The following MELK variants were observed in gnomAD, a reference collection of about 807,000 sequenced individuals.
MELK encodes maternal embryonic leucine zipper kinase.
MELK carries 81 observed loss-of-function variants against 85.0 expected under a neutral mutation model. That is an observed-to-expected ratio of 0.95 (90% CI 0.80 to 1.15). The LOEUF is 1.15. Among genes scored for constraint, MELK ranks in the 50% most tolerant of loss-of-function variants. MELK has a pLI of 0.00. For missense variants in MELK, 754 were observed against 777.5 expected, an observed-to-expected ratio of 0.97 and a Z score of 0.36; for synonymous variants, 252 against 265.0, an observed-to-expected ratio of 0.95 and a Z score of 0.48.
At chr9:36,621,090 G>A (rs1827360873) in intron 8 of MELK, among the ~76,000 whole-genome samples, 1 of 151,160 alleles carries the variant, frequency 6.6e-6, no homozygotes, top group African/African-American at 2.4e-5. Flanking sequence ...CCAACACGGT[G>A]AAACCCCATC....
At chr9:36,609,939 C>A (rs530218579) in intron 8 of MELK, among the ~76,000 whole-genome samples, 19 of 152,168 alleles carry the variant, frequency 1.2e-4, no homozygotes, top group Non-Finnish European at 2.4e-4. Flanking sequence ...CATATTATAA[C>A]AGAGTGTAAA....
chr9:36,630,040 T>G (rs1240242711), intron 8 of MELK: 2 of 332,998 alleles, frequency 6.0e-6, no homozygotes, highest in East Asian at 1.1e-4. Flanking sequence ...AGACAGTGTT[T>G]CACCACGTTG....
At chr9:36,584,584 C>T (rs1027053194) in intron 3 of MELK, among the ~76,000 whole-genome samples, 2 of 150,408 alleles carry the variant, frequency 1.3e-5, no homozygotes, top group African/African-American at 4.9e-5. Context: ...CCGCGTGCCT[C>T]GACCTCCCAA....
intron 8 of MELK, among the ~76,000 whole-genome samples, chr9:36,623,261 T>G (rs188667780): frequency 2.6e-5 from 4 of 152,314 alleles, no homozygotes; most frequent in African/African-American, 9.6e-5. Flanking sequence ...AACAAGTACT[T>G]AATCTCCCTG....
chr9:36,633,091 A>G lies in MELK; in HGVS notation c.736-11A>G. The G allele has an allele frequency of 6.3e-7, 1 of 1,580,684 alleles. No individual in the cohort carries two copies. The highest frequency in any genetic ancestry group is 1.4e-5 in the African/African-American group (1 of 73,746). ...AATGTTAATCTCTAGCTACTTTTTA[A>G]TGGCCACTAGGTGGACCCAAAGAAA... On this transcript the variant is annotated splice_polypyrimidine_tract_variant and intron_variant, in intron 9 of 17. Transcript: ENST00000298048.
At chr9:36,663,185 A>G (rs975523124) in intron 13 of MELK, among the ~76,000 whole-genome samples, 4 of 150,780 alleles carry the variant, frequency 2.7e-5, no homozygotes, top group Non-Finnish European at 5.9e-5. Context: ...GGTTCAAGCG[A>G]TTTTCCTACC....
chr9:36,579,898 G>T (rs1052903596), intron 1 of MELK, among the ~76,000 whole-genome samples: 1 of 151,984 alleles, frequency 6.6e-6, no homozygotes, highest in Non-Finnish European at 1.5e-5. Context: ...ATTATTTGAT[G>T]TATAATTAAC....
At chr9:36,665,629 A>C in intron 14 of MELK, 48 bp downstream of exon 14, 1 of 1,432,066 alleles carries the variant, frequency 7.0e-7, no homozygotes, top group Non-Finnish European at 9.6e-7. Context: ...TTTTCTTACC[A>C]TGTTAAGTAA....
intron 1 of MELK, among the ~76,000 whole-genome samples, chr9:36,574,869 G>A (rs758561848): frequency 8.5e-5 from 13 of 152,122 alleles, no homozygotes; most frequent in Non-Finnish European, 7.4e-5. Context: ...GGGCGCGGTG[G>A]CTCACGCCTG....
intron 8 of MELK, among the ~76,000 whole-genome samples, chr9:36,627,109 G>A (rs995405679): frequency 6.9e-6 from 1 of 145,518 alleles, no homozygotes; most frequent in African/African-American, 2.7e-5. Flanking sequence ...AAATGAATGC[G>A]GCTAGAAGGA....
At chr9:36,585,118 C>T (rs1265735983) in intron 3 of MELK, among the ~76,000 whole-genome samples, 3 of 152,026 alleles carry the variant, frequency 2.0e-5, no homozygotes, top group African/African-American at 7.2e-5. Context: ...CCAGGGGGAA[C>T]AGCTTGTTAT....
chr9:36,596,563 G>GTTTTTTTTTT (rs750016508), intron 5 of MELK, among the ~76,000 whole-genome samples: 1 of 106,134 alleles, frequency 9.4e-6, no homozygotes. Flanking sequence ...GGCCCTTTTT[G>GTTTTTTTTTT]TTTTTTTTGT....
At chr9:36,640,588 G>A (rs145780919) in intron 10 of MELK, among the ~76,000 whole-genome samples, 2 of 151,934 alleles carry the variant, frequency 1.3e-5, no homozygotes, top group African/African-American at 2.4e-5. Context: ...CTAGGACTAC[G>A]CATGTGAGCC....
At chr9:36,593,457 A>T (rs1327835669) in intron 4 of MELK, among the ~76,000 whole-genome samples, 1 of 152,102 alleles carries the variant, frequency 6.6e-6, no homozygotes, top group Non-Finnish European at 1.5e-5. Flanking sequence ...GCCAACTGTG[A>T]GCAACAGAAC....
chr9:36,648,695 T>G (rs1278873196), intron 11 of MELK, among the ~76,000 whole-genome samples: 1 of 152,194 alleles, frequency 6.6e-6, no homozygotes, highest in Admixed American at 6.5e-5. Flanking sequence ...GGAAGATTTA[T>G]CTCCAGGGAA....
At chr9:36,671,446 G>A (rs1832879871) in intron 16 of MELK, among the ~76,000 whole-genome samples, 1 of 152,210 alleles carries the variant, frequency 6.6e-6, no homozygotes, top group South Asian at 2.1e-4. Flanking sequence ...GAAGCAGGGG[G>A]CACAGATGGA....
At chr9:36,649,183 C>T (rs1160923197) in intron 11 of MELK, among the ~76,000 whole-genome samples, 2 of 152,096 alleles carry the variant, frequency 1.3e-5, no homozygotes, top group African/African-American at 4.8e-5. Context: ...CATTTGAAAT[C>T]TTTTAAAAGT....
chr9:36,623,948 G>A (rs1298454730), intron 8 of MELK, among the ~76,000 whole-genome samples: 3 of 152,212 alleles, frequency 2.0e-5, no homozygotes, highest in Non-Finnish European at 4.4e-5. Context: ...GGTAGTAATA[G>A]TATCAGCAGC....
intron 10 of MELK, among the ~76,000 whole-genome samples, chr9:36,633,419 A>G (rs1453992473): frequency 6.6e-6 from 1 of 152,180 alleles, no homozygotes; most frequent in East Asian, 1.9e-4. Flanking sequence ...CCATCCCAGA[A>G]CACTTAATGG....
Sources: allele counts gnomAD v4.1 joint callset (sites outside exome capture counted in the v4.1 genomes callset), GRCh38; gene constraint gnomAD v4.1.1; transcripts MANE v1.5; gene names NCBI Gene and HGNC (gene_info 2026-07-23, HGNC 2026-07-21).